Variants in SYT1 observed in about 807,000 individuals in gnomAD.
SYT1 encodes synaptotagmin-1.
In SYT1, 8 loss-of-function variants were observed where a neutral mutation model predicts 44.8. That is an observed-to-expected ratio of 0.18 (90% CI 0.10 to 0.32). SYT1 has a LOEUF of 0.32. SYT1 is among the 10% of genes least tolerant of loss of function. SYT1 has a pLI of 1.00. For missense variants in SYT1, 286 were observed against 509.3 expected, an observed-to-expected ratio of 0.56 and a Z score of 4.22; for synonymous variants, 154 against 188.8, an observed-to-expected ratio of 0.82 and a Z score of 1.51.
chr12:79,302,589 A>C (rs1880200807), intron 8 of SYT1, among the ~76,000 whole-genome samples: 1 of 152,178 alleles, frequency 6.6e-6, no homozygotes, highest in South Asian at 2.1e-4. Context: ...TGTGGAAGAG[A>C]TAAGGTGTAC....
At chr12:79,307,885 G>A (rs1228311674) in intron 8 of SYT1, among the ~76,000 whole-genome samples, 1 of 152,180 alleles carries the variant, frequency 6.6e-6, no homozygotes, top group Non-Finnish European at 1.5e-5. Context: ...TTACCTGGTC[G>A]GTGAAGAAAG....
In SYT1 at chr12:78,914,166, A is replaced by G. The variant is rs115884143; in HGVS notation, c.-217+49057A>G. 6.2e-3 allele frequency among the ~76,000 whole-genome samples: 938 copies of G among 151,374 alleles called. 18 individuals are homozygous for G. The highest frequency in any genetic ancestry group is 0.022 in the African/African-American group (906 of 41,348). ...ACTAATCAAAATTCTGAGGATATAC[A>G]TATATATATATAAAAGTAAATTTTC... On this transcript the variant is annotated intron_variant, in intron 1 of 10. Transcript: ENST00000261205.
chr12:79,296,028 C>T lies in SYT1; in HGVS notation c.475-41C>T, dbSNP rs371504905. On this transcript the variant is annotated intron_variant, in intron 6 of 10. Coordinates refer to ENST00000261205, the MANE Select transcript of SYT1 (RefSeq NM_005639.3). ...ACAAATCGATCTTTTCCAAAATGTCCACTGATATTTATGTATGCTGTATTC... is the reference window on the plus strand; with the variant it reads ...ACAAATCGATCTTTTCCAAAATGTCTACTGATATTTATGTATGCTGTATTC... The T allele has an allele frequency of 1.2e-4, 180 of 1,555,254 alleles. 1 individual carries two copies. The African/African-American group carries it at 2.4e-3, about 20-fold the overall frequency.
chr12:78,970,314 G>A (rs997042614), intron 1 of SYT1, among the ~76,000 whole-genome samples: 1 of 152,198 alleles, frequency 6.6e-6, no homozygotes, highest in Non-Finnish European at 1.5e-5. Context: ...ACAGGACCAA[G>A]TGAGAAATAA....
chr12:79,073,804 T>C (rs561685948), intron 3 of SYT1, among the ~76,000 whole-genome samples: 22 of 152,290 alleles, frequency 1.4e-4, no homozygotes, highest in Admixed American at 9.2e-4. Flanking sequence ...CCTGACTCTC[T>C]TTTTCTGTCT....
chr12:79,227,627 A>G (rs893558736), intron 4 of SYT1, among the ~76,000 whole-genome samples: 2 of 152,200 alleles, frequency 1.3e-5, no homozygotes, highest in Admixed American at 6.5e-5. Flanking sequence ...CATAGACTAC[A>G]AGAGTTCAAA....
At chr12:79,104,626 A>G (rs1878613083) in intron 3 of SYT1, among the ~76,000 whole-genome samples, 1 of 151,972 alleles carries the variant, frequency 6.6e-6, no homozygotes, top group Non-Finnish European at 1.5e-5. Flanking sequence ...AACTTGTCCA[A>G]GGGCTAGACA....
chr12:78,894,024 G>C (rs1377480438), intron 1 of SYT1, among the ~76,000 whole-genome samples: 5 of 151,580 alleles, frequency 3.3e-5, no homozygotes, highest in African/African-American at 1.2e-4. Flanking sequence ...TGAGAGCACT[G>C]TGTTCTTTCT....
intron 2 of SYT1, among the ~76,000 whole-genome samples, chr12:79,006,100 G>C (rs576799376): frequency 1.3e-5 from 2 of 152,214 alleles, no homozygotes; most frequent in South Asian, 4.1e-4. Flanking sequence ...TCTCATTCAA[G>C]GTTTTCTTCT....
intron 3 of SYT1, among the ~76,000 whole-genome samples, chr12:79,145,534 C>A (rs985805272): frequency 1.1e-4 from 16 of 152,092 alleles, no homozygotes; most frequent in Non-Finnish European, 2.2e-4. Flanking sequence ...GTCCAAAACA[C>A]CATGACCATT....
At chr12:79,389,915 T>C (rs1475913926) in intron 9 of SYT1, among the ~76,000 whole-genome samples, 2 of 152,090 alleles carry the variant, frequency 1.3e-5, no homozygotes, top group African/African-American at 4.8e-5. Context: ...ACTACTTGTT[T>C]GTTTCCAATA....
intron 9 of SYT1, among the ~76,000 whole-genome samples, chr12:79,368,721 C>A (rs1328958026): frequency 1.3e-5 from 2 of 151,208 alleles, no homozygotes; most frequent in African/African-American, 4.9e-5. Context: ...TGTTCATGTC[C>A]TTCGCCCACT....
At chr12:79,293,128 C>T (rs554854166) in intron 6 of SYT1, among the ~76,000 whole-genome samples, 69 of 145,084 alleles carry the variant, frequency 4.8e-4, no homozygotes, top group African/African-American at 1.7e-3. Flanking sequence ...CTGGCTAACA[C>T]GGTGAAACCC....
intron 1 of SYT1, among the ~76,000 whole-genome samples, chr12:78,942,103 A>G (rs1878409730): frequency 6.6e-6 from 1 of 152,198 alleles, no homozygotes; most frequent in Non-Finnish European, 1.5e-5. Context: ...CATTCAGCAA[A>G]CATCGTCAAA....
At chr12:79,010,956 A>G (rs1368965851) in intron 2 of SYT1, among the ~76,000 whole-genome samples, 1 of 152,226 alleles carries the variant, frequency 6.6e-6, no homozygotes, top group Non-Finnish European at 1.5e-5. Context: ...GGAAGGAAGG[A>G]CAGAGGTGTC....
intron 1 of SYT1, among the ~76,000 whole-genome samples, chr12:78,881,342 T>C (rs1874442853): frequency 6.6e-6 from 1 of 151,734 alleles, no homozygotes; most frequent in Admixed American, 6.6e-5. Flanking sequence ...AGTTCAAAGC[T>C]TATGTAATAC....
chr12:78,984,768 A>T (rs1869523091), intron 2 of SYT1, among the ~76,000 whole-genome samples: 1 of 152,014 alleles, frequency 6.6e-6, no homozygotes, highest in Non-Finnish European at 1.5e-5. Context: ...CAATATGCTT[A>T]TGTTAAAAAT....
chr12:78,990,024 A>G (rs187743571), intron 2 of SYT1, among the ~76,000 whole-genome samples: 2 of 152,280 alleles, frequency 1.3e-5, no homozygotes, highest in Admixed American at 1.3e-4. Flanking sequence ...ACAAGCAGAA[A>G]TAATAGAAGA....
At chr12:78,881,611 T>C (rs1874459507) in intron 1 of SYT1, among the ~76,000 whole-genome samples, 1 of 151,770 alleles carries the variant, frequency 6.6e-6, no homozygotes. Flanking sequence ...ACTGTGTTTG[T>C]AAAGCTAAAC....
Sources: gnomAD v4.1 joint callset for allele counts (sites outside exome capture counted in the v4.1 genomes callset) on GRCh38, gnomAD v4.1.1 for gene constraint, MANE v1.5 for transcripts, NCBI Gene and HGNC (gene_info 2026-07-23, HGNC 2026-07-21) for gene names.